The following EML2 variants were observed in gnomAD, a reference collection of about 807,000 sequenced individuals.
EML2 encodes EMAP like 2.
EML2 carries 59 observed loss-of-function variants against 84.7 expected under a neutral mutation model. The ratio of observed to expected loss-of-function variants is 0.70; its 90% CI spans 0.56 to 0.86. EML2 has a LOEUF of 0.86. Ranked by LOEUF, EML2 falls within the 40% of genes least tolerant of loss-of-function variation. The pLI is 0.00. For missense variants in EML2, 818 were observed against 855.6 expected (o/e 0.96, Z 0.55); for synonymous variants, 352 against 348.9 (o/e 1.01, Z -0.10).
chr19:45,642,299 G>T, upstream of EML2: 1 of 1,535,896 alleles, frequency 6.5e-7, no homozygotes, highest in Non-Finnish European at 8.7e-7. Context: ...CGCTGCTCCA[G>T]CGCCGACACG....
upstream of EML2, among the ~76,000 whole-genome samples, chr19:45,643,070 G>A (rs1213311817): frequency 5.9e-5 from 9 of 152,012 alleles, no homozygotes; most frequent in Admixed American, 5.9e-4. Context: ...AGTGATAAGA[G>A]CATTTGCAAA....
At chr19:45,614,472 A>G in intron 17 of EML2, 133 bp downstream of exon 17, 1 of 759,040 alleles carries the variant, frequency 1.3e-6, no homozygotes, top group Non-Finnish European at 2.3e-6. Context: ...CCTCTTACAC[A>G]AATACAGCCC....
At chr19:45,628,286 T>C (rs1972605746) in intron 7 of EML2, among the ~76,000 whole-genome samples, 1 of 151,222 alleles carries the variant, frequency 6.6e-6, no homozygotes, top group African/African-American at 2.4e-5. Context: ...GAGAATCACT[T>C]GAACCCAGGT....
At chr19:45,621,065 G>T in intron 11 of EML2, 142 bp downstream of exon 11, 1 of 1,281,242 alleles carries the variant, frequency 7.8e-7, no homozygotes, top group Non-Finnish European at 1.1e-6. Flanking sequence ...CCTGGGAAGG[G>T]GTCCTGGGTC....
intron 6 of EML2, among the ~76,000 whole-genome samples, chr19:45,631,201 G>A (rs1402920417): frequency 1.3e-5 from 2 of 151,990 alleles, no homozygotes; most frequent in Non-Finnish European, 2.9e-5. Context: ...ATTTGGCAAG[G>A]TTTTATTTTC....
Position 45,621,267 on chromosome 19 carries a change from C to T in EML2, c.1062G>A (p.Gly354=), listed in dbSNP as rs202165770. Residue 354 remains glycine, a synonymous_variant, in exon 11 of 19, where the codon GGG becomes GGA. Coordinates refer to ENST00000245925, the MANE Select transcript of EML2 (RefSeq NM_012155.4). ...AEGHGDTLYV[G]TTRNSILQGS... The stretch of plus-strand genomic sequence containing the variant: ...CCTGCAGGATGGAATTGCGGGTGGT[C>T]CCCACGTACAGTGTGTCTCCGTGGC... 6.2e-6 allele frequency: 10 copies of T among 1,613,938 alleles called. No homozygotes were observed. The East Asian group carries it at 2.2e-4, about 36-fold the overall frequency.
intron 15 of EML2, chr19:45,616,208 C>T: frequency 2.2e-6 from 1 of 447,146 alleles, no homozygotes. Context: ...GGTCTCGGAA[C>T]GTGAGGGGCG....
At position 45,609,466 on chromosome 19, in the gene EML2, C is replaced by A; in HGVS notation, c.*197G>T. Reference sequence around the variant, plus strand: ...AACTTAAAAAACACCCCAAACCAAACACCAATGGATCCCCAAAGCGATGTG... The same window carrying A: ...AACTTAAAAAACACCCCAAACCAAAAACCAATGGATCCCCAAAGCGATGTG... On this transcript the variant is annotated 3_prime_UTR_variant, in exon 19 of 19. Transcript: ENST00000245925. 1 of 557,138 alleles carries A rather than the reference C, an allele frequency of 1.8e-6. No homozygotes were observed. The highest frequency in any genetic ancestry group is 2.9e-6 in the Non-Finnish European group (1 of 349,282). The allele number at this position is 557,138 out of a possible 1,614,324, so 34.5% of individuals were successfully genotyped here.
chr19:45,641,155 CAA>C (rs1347854798), upstream of EML2: 1 of 155,692 alleles, frequency 6.4e-6, no homozygotes, highest in Non-Finnish European at 1.4e-5. Flanking sequence ...ATTTTGATGT[CAA>C]AGCTTCTGGA....
chr19:45,616,837 T>G lies in EML2; in HGVS notation c.1339A>C (p.Thr447Pro). 1.2e-6 allele frequency: 2 copies of G among 1,613,044 alleles called. No individual in the cohort carries two copies. The highest frequency in any genetic ancestry group is 1.7e-6 in the Non-Finnish European group (2 of 1,179,788). The change falls in exon 14 of 19, where the codon ACG becomes CCG. Residue 447 changes from threonine (T) to proline (P), a missense_variant. By Grantham distance (38) the Thr-to-Pro change is conservative. Transcript: ENST00000245925. Reference protein sequence around the residue: ...TVTGRWLLLDTETHDLVAIHT... With the variant: ...TVTGRWLLLDPETHDLVAIHT... ...ATAGCCACCAGGTCATGGGTCTCCGTGTCCAGCAGCAGCCATCTTGAAGGA... is the reference window on the plus strand; with the variant it reads ...ATAGCCACCAGGTCATGGGTCTCCGGGTCCAGCAGCAGCCATCTTGAAGGA...
At chr19:45,644,312 C>T (rs147708743), upstream of EML2, among the ~76,000 whole-genome samples, 4 of 152,258 alleles carry the variant, frequency 2.6e-5, no homozygotes, top group African/African-American at 7.2e-5. Flanking sequence ...CACGGACACA[C>T]AGCCGTTCAA....
chr19:45,639,567 G>A, upstream of EML2: 5 of 448,380 alleles, frequency 1.1e-5, no homozygotes, highest in Non-Finnish European at 1.8e-5. Context: ...CGGGGTGGGT[G>A]GGGGAGAGTG....
At chr19:45,612,125 C>T (rs548538511) in intron 18 of EML2, among the ~76,000 whole-genome samples, 2 of 151,770 alleles carry the variant, frequency 1.3e-5, no homozygotes, top group Admixed American at 6.6e-5. Context: ...AGTGCAGTGG[C>T]GTGATCTTGG....
Position 45,609,770 on chromosome 19 carries a change from C to A in EML2, c.1843G>T (p.Gly615Cys). The A allele has an allele frequency of 6.2e-7, 1 of 1,612,596 alleles. No homozygotes were observed. Among genetic ancestry groups the A allele is most frequent in the South Asian group, 1.1e-5 (1 of 90,802 alleles). Residue 615 changes from glycine (G) to cysteine (C), a missense_variant, in exon 19 of 19, where the codon GGT becomes TGT. Gly to Cys is a radical substitution (Grantham distance 159). Coordinates refer to ENST00000245925, the MANE Select transcript of EML2 (RefSeq NM_012155.4). The stretch of plus-strand genomic sequence containing the variant: ...TTTGTCACATGGCTGCTGTGTCCAC[C>A]GTACTTGTGGCTGAGGGCCTGTTAC... ...CQPRALSHKYGGHSSHVTNVA... is the reference protein window; with the variant it reads ...CQPRALSHKYCGHSSHVTNVA...
chr19:45,620,902 G>A, intron 11 of EML2: 1 of 471,780 alleles, frequency 2.1e-6, no homozygotes, highest in Non-Finnish European at 4.1e-6. Flanking sequence ...AGAGGTGTGT[G>A]GCCAGGGTGT....
chr19:45,638,748 G>A, intron 2 of EML2, 97 bp downstream of exon 2: 2 of 1,590,848 alleles, frequency 1.3e-6, no homozygotes, highest in Non-Finnish European at 1.7e-6. Flanking sequence ...AGGCCAGAGA[G>A]GCAAAGACCC....
At chr19:45,615,261 A>G (rs942481135) in intron 16 of EML2, among the ~76,000 whole-genome samples, 1 of 151,574 alleles carries the variant, frequency 6.6e-6, no homozygotes, top group African/African-American at 2.4e-5. Flanking sequence ...AATCGCTTGA[A>G]CCTGGGAGGC....
At chr19:45,637,825 T>C (rs767240542) in intron 3 of EML2, among the ~76,000 whole-genome samples, 16 of 152,000 alleles carry the variant, frequency 1.1e-4, no homozygotes, top group Admixed American at 5.9e-4. Flanking sequence ...TACAGGCACA[T>C]GCCACCACAC....
chr19:45,645,341 G>T (rs1013167631), upstream of EML2: 2 of 1,530,906 alleles, frequency 1.3e-6, no homozygotes, highest in Non-Finnish European at 1.7e-6. Context: ...CTCCGCCATC[G>T]CCCCACCACA....
Sources: allele counts gnomAD v4.1 joint callset (sites outside exome capture counted in the v4.1 genomes callset), GRCh38; gene constraint gnomAD v4.1.1; transcripts MANE v1.5; gene names NCBI Gene and HGNC (gene_info 2026-07-23, HGNC 2026-07-21).